BEAN1: variants seen among roughly 807,000 people sequenced by gnomAD.
BEAN1 encodes the protein protein BEAN1.
Under a neutral mutation model 17.7 loss-of-function variants are expected in BEAN1, and 17 were observed. The observed-to-expected ratio is 0.96, with a 90% CI of 0.66 to 1.44. The LOEUF is 1.44. BEAN1 is among the 40% of genes most tolerant of loss of function. The probability of loss-of-function intolerance (pLI) is 0.00; values close to 1 mark genes in which losing one functional copy is unlikely to be tolerated. For missense variants in BEAN1, 359 were observed against 374.1 expected (o/e 0.96, Z 0.33); for synonymous variants, 142 against 151.8 (o/e 0.94, Z 0.47).
At chr16:66,446,639 T>C (rs1048319710) in intron 2 of BEAN1, among the ~76,000 whole-genome samples, 1 of 151,602 alleles carries the variant, frequency 6.6e-6, no homozygotes, top group South Asian at 2.1e-4. Flanking sequence ...AGGGAGCAAG[T>C]GTGGGAATGT....
rs34785231 is a variant in BEAN1 at position 66,489,182 on chromosome 16, C to CA, written c.148-3770dup. On this transcript the variant is annotated intron_variant, in intron 4 of 4. Transcript: ENST00000561796. Reference sequence around the variant, plus strand: ...AGCGAAACTCCATCTCAAAAAAAAACAAAAAAAAAAGTATAAGTTAATAAA... The same window carrying CA: ...AGCGAAACTCCATCTCAAAAAAAAACAAAAAAAAAAAGTATAAGTTAATAAA... 8.1e-3 allele frequency among the ~76,000 whole-genome samples: 1,209 copies of CA among 148,396 alleles called. 7 individuals carry two copies. The highest frequency in any genetic ancestry group is 0.011 in the Non-Finnish European group (736 of 66,506).
At chr16:66,492,736 C>A (rs1964192095) in intron 4 of BEAN1, among the ~76,000 whole-genome samples, 1 of 152,224 alleles carries the variant, frequency 6.6e-6, no homozygotes, top group Non-Finnish European at 1.5e-5. Context: ...CCACCACACC[C>A]AGCCACTTTC....
intron 4 of BEAN1, among the ~76,000 whole-genome samples, chr16:66,492,246 T>C (rs1248178840): frequency 1.3e-5 from 2 of 151,952 alleles, no homozygotes; most frequent in Admixed American, 6.6e-5. Context: ...TTCACCATGT[T>C]GGCCAGGCTG....
At chr16:66,464,172 G>A (rs568026136) in intron 2 of BEAN1, among the ~76,000 whole-genome samples, 1 of 152,284 alleles carries the variant, frequency 6.6e-6, no homozygotes, top group African/African-American at 2.4e-5. Flanking sequence ...CTGCAAGGAA[G>A]GCTGGGACTT....
downstream of BEAN1, chr16:66,484,352 A>C (rs1964055334): frequency 8.8e-6 from 3 of 340,006 alleles, no homozygotes; most frequent in South Asian, 7.0e-5. This position sits in a 1 kb window ranked among gnomAD's most constrained non-coding sequence, Gnocchi z 4.2. Flanking sequence ...AGCTCCCACC[A>C]CAAAGACTTA....
In BEAN1 at chr16:66,473,696, C is replaced by CTAAA. The variant is rs535920093; in HGVS notation, c.290-3840_290-3837dup. Reference sequence around the variant, plus strand: ...TGAGCAACAGAGCAAGACCCTGTCTCTAAATAAATAAATAAATAAATAAAT... The same window carrying CTAAA: ...TGAGCAACAGAGCAAGACCCTGTCTCTAAATAAATAAATAAATAAATAAATAAAT... On this transcript the variant is annotated intron_variant, in intron 3 of 4. Transcript: ENST00000536005. This position sits in a 1 kb window ranked among gnomAD's most constrained non-coding sequence, Gnocchi z 4.5. 0.015 allele frequency among the ~76,000 whole-genome samples: 2,267 copies of CTAAA among 151,414 alleles called. 29 individuals carry two copies. The highest frequency in any genetic ancestry group is 0.024 in the Middle Eastern group (7 of 292).
chr16:66,471,869 A>G lies in BEAN1; in HGVS notation c.289+2004A>G, dbSNP rs1383209835. Among the ~76,000 whole-genome samples, 1 of 152,208 alleles carries G rather than the reference A, an allele frequency of 6.6e-6. No individual in the cohort carries two copies. The highest frequency in any genetic ancestry group is 1.5e-5 in the Non-Finnish European group (1 of 68,034). On this transcript the variant is annotated intron_variant, in intron 3 of 4. Coordinates refer to ENST00000536005, the MANE Select transcript of BEAN1 (RefSeq NM_001178020.3). The surrounding 1 kb of genome is among the most constrained non-coding windows in gnomAD (Gnocchi z 4.7). ...CCCTGCATCACCAACCTGAGGCTGCAGAGTCCAGGGCTCCTGCCCAGAGCA... is the reference window on the plus strand; with the variant it reads ...CCCTGCATCACCAACCTGAGGCTGCGGAGTCCAGGGCTCCTGCCCAGAGCA...
At chr16:66,428,724 G>T (rs994159146) in intron 1 of BEAN1, among the ~76,000 whole-genome samples, 7 of 152,132 alleles carry the variant, frequency 4.6e-5, no homozygotes, top group Non-Finnish European at 1.0e-4. Context: ...AATTGTGGTG[G>T]GCTACAGGTG....
At chr16:66,482,901 C>G, downstream of BEAN1, 1 of 456,164 alleles carries the variant, frequency 2.2e-6, no homozygotes, top group Non-Finnish European at 4.4e-6. Flanking sequence ...CAGTCGCCTA[C>G]GCTGGAGTGC....
chr16:66,485,213 G>C, downstream of BEAN1: 1 of 414,538 alleles, frequency 2.4e-6, no homozygotes, highest in Non-Finnish European at 4.9e-6. Flanking sequence ...CAAGTTCCTA[G>C]AGATACCCCT....
chr16:66,491,458 C>T (rs1379405234), intron 4 of BEAN1, among the ~76,000 whole-genome samples: 1 of 152,206 alleles, frequency 6.6e-6, no homozygotes, highest in African/African-American at 2.4e-5. Flanking sequence ...AAACAGCATG[C>T]CCATCATATC....
chr16:66,489,227 C>T (rs753903440), intron 4 of BEAN1, among the ~76,000 whole-genome samples: 1 of 152,014 alleles, frequency 6.6e-6, no homozygotes, highest in African/African-American at 2.4e-5. Context: ...TTTTAAACCA[C>T]TAAACCCGTA....
At position 66,481,994 on chromosome 16, in the gene BEAN1, T is replaced by C. The variant is rs939304681; in HGVS notation, c.*1069T>C. On this transcript the variant is annotated 3_prime_UTR_variant, in exon 5 of 5. Transcript: ENST00000536005. This position sits in a 1 kb window ranked among gnomAD's most constrained non-coding sequence, Gnocchi z 4.1. ...GTTTGCAGAGACAAAATGAAGGGGA[T>C]ATGCTCCCCATAAATACCACCTTGC... The C allele has an allele frequency of 6.6e-6, 1 of 152,262 alleles. No homozygotes were observed. Among genetic ancestry groups the C allele is most frequent in the African/African-American group, 2.4e-5 (1 of 41,438 alleles). The allele number at this position is 152,262 out of a possible 1,614,324, so 9.4% of individuals were successfully genotyped here.
rs1336909773 is a variant in BEAN1, at chr16:66,481,920, C to T, written c.*995C>T. ...GGTGCTGTCCTTCTAGGTGGCTGCT[C>T]ATAGCTGGGGATGGTGAGTGGCTGT... On this transcript the variant is annotated 3_prime_UTR_variant, in exon 5 of 5. Coordinates refer to ENST00000536005, the MANE Select transcript of BEAN1 (RefSeq NM_001178020.3). This position sits in a 1 kb window ranked among gnomAD's most constrained non-coding sequence, Gnocchi z 4.1. 1 of 152,720 alleles carries T rather than the reference C, an allele frequency of 6.5e-6. No individual in the cohort carries two copies. The allele number at this position is 152,720 out of a possible 1,614,324, so 9.5% of individuals were successfully genotyped here.
At chr16:66,452,263 T>A (rs1292889295) in intron 2 of BEAN1, among the ~76,000 whole-genome samples, 1 of 152,238 alleles carries the variant, frequency 6.6e-6, no homozygotes, top group East Asian at 1.9e-4. Flanking sequence ...TGATCTTAAA[T>A]CATCCTTGCA....
chr16:66,431,548 TTCTG>T (rs1410873472), intron 1 of BEAN1, among the ~76,000 whole-genome samples: 1 of 152,160 alleles, frequency 6.6e-6, no homozygotes, highest in African/African-American at 2.4e-5. Flanking sequence ...TTCGTGTTCT[TTCTG>T]TCTGTGTTCT....
downstream of BEAN1, chr16:66,484,808 C>T (rs560571736): frequency 6.6e-6 from 3 of 454,108 alleles, no homozygotes; most frequent in South Asian, 3.1e-5. This position sits in a 1 kb window ranked among gnomAD's most constrained non-coding sequence, Gnocchi z 4.2. Flanking sequence ...AAGTGACGCC[C>T]GCCCTCAGGT....
chr16:66,439,621 G>A (rs1962169994), intron 2 of BEAN1, among the ~76,000 whole-genome samples: 1 of 152,158 alleles, frequency 6.6e-6, no homozygotes, highest in Non-Finnish European at 1.5e-5. Context: ...TGTGGTCACT[G>A]ACATTCGAGG....
At chr16:66,490,258 A>C (rs1964147026) in intron 4 of BEAN1, among the ~76,000 whole-genome samples, 1 of 146,704 alleles carries the variant, frequency 6.8e-6, no homozygotes, top group Non-Finnish European at 1.5e-5. Context: ...TTAGCCAGGC[A>C]TAGTGGCACA....
Sources: gnomAD v4.1 joint callset for allele counts (sites outside exome capture counted in the v4.1 genomes callset) on GRCh38, gnomAD v4.1.1 for gene constraint, Gnocchi (gnomAD v3.1) non-coding constraint, MANE v1.5 for transcripts, NCBI Gene and HGNC (gene_info 2026-07-23, HGNC 2026-07-21) for gene names.